Variants in FGD5 observed in about 807,000 individuals in gnomAD.
FGD5 encodes the protein FYVE, RhoGEF and PH domain-containing protein 5.
Under a neutral mutation model 133.4 loss-of-function variants are expected in FGD5, and 28 were observed. The observed-to-expected ratio is 0.21, with a 90% CI of 0.16 to 0.29. FGD5 has a LOEUF of 0.29. Among genes scored for constraint, FGD5 ranks in the 10% least tolerant of loss-of-function variants. FGD5 has a pLI of 1.00. For synonymous variants in FGD5, 810 were observed against 776.5 expected (o/e 1.04, Z -0.72); for missense variants, 1,858 against 1,895.2 (o/e 0.98, Z 0.36).
chr3:14,867,560 A>G (rs2037519556), intron 2 of FGD5, among the ~76,000 whole-genome samples: 1 of 152,198 alleles, frequency 6.6e-6, no homozygotes, highest in Non-Finnish European at 1.5e-5. Context: ...ACCATGTGAC[A>G]GTCCCCCAAG....
intron 1 of FGD5, among the ~76,000 whole-genome samples, chr3:14,856,000 A>G (rs2037270674): frequency 6.6e-6 from 1 of 151,990 alleles, no homozygotes; most frequent in African/African-American, 2.4e-5. Context: ...TACTAGTTTT[A>G]TAGTTTTGGG....
At chr3:14,866,673 A>T (rs1660058324) in intron 2 of FGD5, among the ~76,000 whole-genome samples, 1 of 152,238 alleles carries the variant, frequency 6.6e-6, no homozygotes, top group Admixed American at 6.5e-5. Context: ...AGAACAATGC[A>T]TGCCACTCAG....
At chr3:14,841,888 G>A (rs538687152) in intron 1 of FGD5, among the ~76,000 whole-genome samples, 5 of 152,290 alleles carry the variant, frequency 3.3e-5, no homozygotes, top group African/African-American at 1.2e-4. Flanking sequence ...TCCAGGCCCT[G>A]GCCCTCTGCA....
At chr3:14,900,331 G>A (rs570890129) in intron 7 of FGD5, 72 bp from the exon 8 acceptor site, 1 of 1,473,180 alleles carries the variant, frequency 6.8e-7, no homozygotes, top group Non-Finnish European at 9.4e-7. Context: ...CAAGAGAGGG[G>A]GTGGCCACAG....
At position 14,933,437 on chromosome 3, in the gene FGD5, G is replaced by A. The variant is rs186730445; in HGVS notation, c.*270G>A. 147 of 431,640 alleles carry A rather than the reference G, an allele frequency of 3.4e-4. 1 individual carries two copies. The highest frequency in any genetic ancestry group is 1.9e-3 in the South Asian group (54 of 28,124). The allele number at this position is 431,640 out of a possible 1,614,324, so 26.7% of individuals were successfully genotyped here. On this transcript the variant is annotated 3_prime_UTR_variant, in exon 20 of 20. Coordinates refer to ENST00000285046, the MANE Select transcript of FGD5 (RefSeq NM_152536.4). ...CAGTAATAAACTATTTCCTTACCCC[G>A]CAGTGAGTTAAAATTTAGTAAGATG...
chr3:14,924,315 C>A (rs1317879187), intron 17 of FGD5, among the ~76,000 whole-genome samples, 177 bp downstream of exon 17: 2 of 152,098 alleles, frequency 1.3e-5, no homozygotes, highest in Admixed American at 6.6e-5. Flanking sequence ...TGGTGCTAGG[C>A]GACATCTTTC....
intron 9 of FGD5, among the ~76,000 whole-genome samples, chr3:14,906,993 C>T (rs896308850): frequency 4.6e-5 from 7 of 152,196 alleles, no homozygotes; most frequent in African/African-American, 1.7e-4. Flanking sequence ...GGATTTTATG[C>T]CCAAAACCAT....
intron 1 of FGD5, among the ~76,000 whole-genome samples, chr3:14,832,068 A>G (rs139730014): frequency 1.3e-5 from 2 of 151,972 alleles, no homozygotes; most frequent in African/African-American, 2.4e-5. Flanking sequence ...GCTCAAGTCT[A>G]CCTCCACCCT....
upstream of FGD5, chr3:14,818,950 A>C: frequency 6.2e-6 from 9 of 1,443,474 alleles, no homozygotes; most frequent in Admixed American, 5.9e-5. Context: ...TATTTTTGTC[A>C]TCTAGATTCA....
At chr3:14,897,478 C>G (rs990864290) in intron 4 of FGD5, 31 bp from the exon 5 acceptor site, 10 of 1,590,196 alleles carry the variant, frequency 6.3e-6, no homozygotes, top group Non-Finnish European at 8.6e-6. Context: ...GTCCTATCAA[C>G]CTGTGGGTAA....
chr3:14,859,957 A>C (rs549543546), intron 1 of FGD5, among the ~76,000 whole-genome samples: 9 of 152,380 alleles, frequency 5.9e-5, no homozygotes, highest in African/African-American at 2.2e-4. Context: ...CATATATAAT[A>C]ACCATAATAT....
At chr3:14,857,955 G>A (rs1204066582) in intron 1 of FGD5, among the ~76,000 whole-genome samples, 1 of 151,364 alleles carries the variant, frequency 6.6e-6, no homozygotes, top group Non-Finnish European at 1.5e-5. Flanking sequence ...GCTGAGACAC[G>A]GAGAGATTAA....
Position 14,869,604 on chromosome 3 carries a change from C to T in FGD5, c.2658+5344C>T, listed in dbSNP as rs529309903. Among the ~76,000 whole-genome samples, 20 of 152,300 alleles carry T rather than the reference C, an allele frequency of 1.3e-4. No individual in the cohort carries two copies. In the East Asian group the frequency reaches 3.9e-3, roughly 29 times the overall value. On this transcript the variant is annotated intron_variant, in intron 2 of 19. Transcript: ENST00000285046. ...TTTAGACACTGACTCCCCATTCCTC[C>T]TCCCCTATCCCCTGGCAGCCACCGT... is the stretch of plus-strand genomic sequence containing the variant.
At position 14,811,151 on chromosome 3, in the gene FGD5, C is replaced by G. The variant is rs543524524; in HGVS notation, c.13+286C>G. ...CAGTATCCCACTCGCACGGCGTTCC[C>G]CGGAGTGAGGGTCCCTTCCACGACG... On this transcript the variant is annotated intron_variant, in intron 1 of 1. Transcript: ENST00000640506. Among the ~76,000 whole-genome samples, 4 of 152,258 alleles carry G rather than the reference C, an allele frequency of 2.6e-5. No individual in the cohort carries two copies. In the East Asian group the frequency reaches 7.8e-4, roughly 30 times the overall value.
chr3:14,877,334 C>G (rs1575225891), intron 2 of FGD5, among the ~76,000 whole-genome samples: 1 of 152,338 alleles, frequency 6.6e-6, no homozygotes, highest in East Asian at 1.9e-4. Context: ...GCGTCCCACC[C>G]AGAATCTGCA....
chr3:14,921,961 G>C lies in FGD5; in HGVS notation c.3613G>C (p.Ala1205Pro), dbSNP rs2038689339. 3.2e-6 allele frequency: 5 copies of C among 1,572,138 alleles called. No individual in the cohort carries two copies. In the East Asian group the frequency reaches 1.2e-4, roughly 37 times the overall value. The change falls in exon 14 of 20, where the codon GCC becomes CCC. Residue 1205 changes from alanine (A) to proline (P), a missense_variant. Coordinates refer to ENST00000285046, the MANE Select transcript of FGD5 (RefSeq NM_152536.4). ...RDEWYGCLSR[A>P]LPEDYKAQAL... is the part of the protein sequence containing the mutation. ...CGAGTGGTATGGCTGTCTGAGCAGA[G>C]CCCTCCCTGAGGACTACAAGGCCCA...
chr3:14,884,878 C>A (rs1156430154), intron 4 of FGD5, among the ~76,000 whole-genome samples: 1 of 152,108 alleles, frequency 6.6e-6, no homozygotes, highest in Non-Finnish European at 1.5e-5. Flanking sequence ...GGCAAACTCA[C>A]GACTGCGCCT....
rs1419505630 is a variant in FGD5 at position 14,821,230 on chromosome 3, C to T, written c.2159C>T (p.Ser720Phe). 12 of 1,613,846 alleles carry T rather than the reference C, an allele frequency of 7.4e-6. No individual in the cohort carries two copies. The highest frequency in any genetic ancestry group is 4.0e-5 in the African/African-American group (3 of 74,926). Residue 720 changes from serine (S) to phenylalanine (F), a missense_variant, in exon 1 of 20, where the codon TCC becomes TTC. Transcript: ENST00000285046. ...TGKLRASESPSSLIFYRDGKR... is the reference protein window; with the variant it reads ...TGKLRASESPFSLIFYRDGKR... ...AAGCTCCGGGCTTCTGAATCCCCCT[C>T]CTCCCTCATCTTTTATAGAGATGGC...
rs1376024158 is a variant in FGD5 at position 14,922,267 on chromosome 3, TGCAGGAGAG to T, written c.3670-141_3670-133del. The T allele has an allele frequency of 7.3e-6, 9 of 1,227,700 alleles. No individual in the cohort carries two copies. The highest frequency in any genetic ancestry group is 3.0e-5 in the African/African-American group (2 of 66,898). The allele number at this position is 1,227,700 out of a possible 1,614,324, so 76.1% of individuals were successfully genotyped here. A position where few individuals can be genotyped will look rare whatever the true frequency, so the allele number is the denominator to read the frequency against. On this transcript the variant is annotated intron_variant, in intron 14 of 19. Coordinates refer to ENST00000285046, the MANE Select transcript of FGD5 (RefSeq NM_152536.4). The surrounding 1 kb of genome is among the most constrained non-coding windows in gnomAD (Gnocchi z 4.1). ...AACCAAGGGTGAGCATCCTGGAGGG[TGCAGGAGAG>T]GCCTTTCACATCAGACCCACTCACC...
Sources: allele counts gnomAD v4.1 joint callset (sites outside exome capture counted in the v4.1 genomes callset), GRCh38; gene constraint gnomAD v4.1.1; non-coding constraint Gnocchi (gnomAD v3.1); transcripts MANE v1.5; gene names NCBI Gene and HGNC (gene_info 2026-07-23, HGNC 2026-07-21).